The following PRKCA variants were observed in gnomAD, a reference collection of about 807,000 sequenced individuals.
The protein encoded by PRKCA is protein kinase C alpha type.
A neutral mutation model predicts 87.0 loss-of-function variants in PRKCA; 27 were observed. The observed-to-expected ratio is 0.31, with a 90% CI of 0.23 to 0.43. PRKCA has a LOEUF of 0.43. PRKCA is among the 20% of genes least tolerant of loss of function. PRKCA has a pLI of 1.00. For missense variants in PRKCA, 518 were observed against 852.3 expected, an observed-to-expected ratio of 0.61 and a Z score of 4.88; for synonymous variants, 329 against 311.1, an observed-to-expected ratio of 1.06 and a Z score of -0.61.
intron 2 of PRKCA, among the ~76,000 whole-genome samples, chr17:66,487,215 C>T (rs540500592): frequency 1.1e-4 from 17 of 152,272 alleles, no homozygotes; most frequent in Admixed American, 9.8e-4. Flanking sequence ...AGCCTCTACT[C>T]GTTACCTCTG....
chr17:66,787,007 G>C (rs755656393), intron 15 of PRKCA, 33 bp downstream of exon 15: 1 of 1,435,642 alleles, frequency 7.0e-7, no homozygotes. Flanking sequence ...TGTGATCATG[G>C]ACCAAGAGCT....
chr17:66,429,015 A>G (rs772464113), intron 2 of PRKCA, among the ~76,000 whole-genome samples: 11 of 152,154 alleles, frequency 7.2e-5, no homozygotes, highest in Non-Finnish European at 1.2e-4. Flanking sequence ...ATGTAGTTGG[A>G]AGATCTTTGG....
At position 66,546,699 on chromosome 17, in the gene PRKCA, T is replaced by G. The variant is rs185305937; in HGVS notation, c.288+50416T>G. Reference sequence around the variant, plus strand: ...TTACTTCATTACATTTGCAAAGACCTTATTTCCAAATAACGTCACATTCAC... The same window carrying G: ...TTACTTCATTACATTTGCAAAGACCGTATTTCCAAATAACGTCACATTCAC... On this transcript the variant is annotated intron_variant, in intron 3 of 16. Coordinates refer to ENST00000413366, the MANE Select transcript of PRKCA (RefSeq NM_002737.3). Among the ~76,000 whole-genome samples the G allele has an allele frequency of 6.6e-5, 10 of 152,360 alleles. No homozygotes were observed. The East Asian group carries it at 1.9e-3, about 29-fold the overall frequency.
At chr17:66,626,364 T>A (rs1260867429) in intron 3 of PRKCA, among the ~76,000 whole-genome samples, 3 of 64,306 alleles carry the variant, frequency 4.7e-5, no homozygotes, top group Non-Finnish European at 1.2e-4. Context: ...GTTTTTGTAT[T>A]TTTTTTTTTT....
intron 5 of PRKCA, among the ~76,000 whole-genome samples, chr17:66,669,292 A>G (rs1972116936): frequency 6.6e-6 from 1 of 152,180 alleles, no homozygotes; most frequent in Non-Finnish European, 1.5e-5. Context: ...GTACATAATT[A>G]AAATCTTTGT....
chr17:66,377,719 A>ATTT (rs1202755202), intron 2 of PRKCA, among the ~76,000 whole-genome samples: 1,006 of 37,018 alleles, frequency 0.027, 14 homozygotes, highest in East Asian at 0.14. Context: ...ATATATATAT[A>ATTT]TATTTTTTTT....
intron 2 of PRKCA, among the ~76,000 whole-genome samples, chr17:66,319,710 T>C (rs1905533069): frequency 6.6e-6 from 1 of 150,878 alleles, no homozygotes. Flanking sequence ...GTGGTAGTCA[T>C]GCAATAACCT....
chr17:66,425,612 C>G (rs1912757167), intron 2 of PRKCA, among the ~76,000 whole-genome samples: 1 of 152,024 alleles, frequency 6.6e-6, no homozygotes. Context: ...TAATGGTGTT[C>G]CTGTGACCTG....
At chr17:66,560,205 G>A (rs567787960) in intron 3 of PRKCA, among the ~76,000 whole-genome samples, 64 of 151,918 alleles carry the variant, frequency 4.2e-4, no homozygotes, top group African/African-American at 1.3e-3. Context: ...TGTATTTCAC[G>A]TGCTGAGGAG....
At chr17:66,730,200 T>C (rs1280910329) in intron 8 of PRKCA, among the ~76,000 whole-genome samples, 4 of 152,186 alleles carry the variant, frequency 2.6e-5, no homozygotes, top group Non-Finnish European at 5.9e-5. Flanking sequence ...TGAGTGCATG[T>C]CCTGTGCCAA....
At chr17:66,388,438 G>C (rs1407905330) in intron 2 of PRKCA, among the ~76,000 whole-genome samples, 1 of 152,030 alleles carries the variant, frequency 6.6e-6, no homozygotes, top group African/African-American at 2.4e-5. Context: ...GGGATTACAG[G>C]TGTGCACCAC....
chr17:66,346,086 T>A (rs1000496384), intron 2 of PRKCA, among the ~76,000 whole-genome samples: 2 of 151,600 alleles, frequency 1.3e-5, no homozygotes, highest in African/African-American at 4.8e-5. Flanking sequence ...TATTGCGTTA[T>A]CTTTTTTTGC....
chr17:66,605,603 C>T lies in PRKCA; in HGVS notation c.289-35752C>T, dbSNP rs375923915. Among the ~76,000 whole-genome samples, 8 of 152,008 alleles carry T rather than the reference C, an allele frequency of 5.3e-5. No homozygotes were observed. In the South Asian group the frequency reaches 8.3e-4, roughly 16 times the overall value. ...AACAATTCCTCTTCTAGGTATATAC[C>T]GAAGAGAATGAAAACATATGTTCTT... On this transcript the variant is annotated intron_variant, in intron 3 of 16. Transcript: ENST00000413366.
At chr17:66,746,689 A>C (rs147706682) in intron 13 of PRKCA, among the ~76,000 whole-genome samples, 5 of 152,292 alleles carry the variant, frequency 3.3e-5, no homozygotes, top group African/African-American at 9.6e-5. Context: ...TCACTAACAG[A>C]TGAGAGTTTG....
chr17:66,495,735 G>A (rs901795202), intron 2 of PRKCA, among the ~76,000 whole-genome samples: 12 of 151,634 alleles, frequency 7.9e-5, no homozygotes, highest in Non-Finnish European at 1.8e-4. Context: ...GTATGTGTGT[G>A]TGTGTGTATT....
At chr17:66,628,140 A>G (rs1009344581) in intron 3 of PRKCA, among the ~76,000 whole-genome samples, 1 of 151,618 alleles carries the variant, frequency 6.6e-6, no homozygotes, top group African/African-American at 2.4e-5. Flanking sequence ...CAGCACAACC[A>G]CAAGCAGCTT....
intron 2 of PRKCA, among the ~76,000 whole-genome samples, chr17:66,463,967 A>G (rs181343290): frequency 2.1e-4 from 32 of 152,266 alleles, no homozygotes; most frequent in African/African-American, 7.7e-4. Context: ...ATATACAGCT[A>G]CTATTCTAGT....
chr17:66,688,045 T>C (rs142732969), intron 6 of PRKCA, among the ~76,000 whole-genome samples: 1 of 152,192 alleles, frequency 6.6e-6, no homozygotes, highest in South Asian at 2.1e-4. Context: ...ATAGGCAATA[T>C]GTAAACAGAT....
intron 3 of PRKCA, among the ~76,000 whole-genome samples, chr17:66,498,482 C>G (rs1916582083): frequency 6.6e-6 from 1 of 152,124 alleles, no homozygotes; most frequent in Non-Finnish European, 1.5e-5. Context: ...CCTTTTTCTT[C>G]CCCCTCCTAC....
Sources: gnomAD v4.1 joint callset for allele counts (sites outside exome capture counted in the v4.1 genomes callset) on GRCh38, gnomAD v4.1.1 for gene constraint, MANE v1.5 for transcripts, NCBI Gene and HGNC (gene_info 2026-07-23, HGNC 2026-07-21) for gene names.